The following PHEX variants were observed in gnomAD, a reference collection of about 807,000 sequenced individuals.
The protein encoded by PHEX is phosphate regulating endopeptidase X-linked, also known as phosphate-regulating neutral endopeptidase PHEX.
In PHEX, 16 loss-of-function variants were observed where a neutral mutation model predicts 68.0. The observed-to-expected ratio is 0.24, with a 90% CI of 0.16 to 0.36. The LOEUF is 0.36. PHEX is among the 10% of genes least tolerant of loss of function. The pLI is 1.00. For synonymous variants in PHEX, 208 were observed against 205.1 expected (o/e 1.01, Z -0.12); for missense variants, 480 against 575.5 (o/e 0.83, Z 1.70).
chrX:22,113,832 G>A (rs4824177), intron 10 of PHEX, among the ~76,000 whole-genome samples: 5 of 110,373 alleles, frequency 4.5e-5, no homozygotes, highest in Non-Finnish European at 9.4e-5. Context: ...TGTCCCTGCT[G>A]ACTGCAGAAA....
At chrX:22,039,939 AAAAAC>A (rs199654565) in intron 2 of PHEX, among the ~76,000 whole-genome samples, 1,432 of 111,720 alleles carry the variant, frequency 0.013, 68 homozygotes, top group Admixed American at 0.11. Context: ...CTGTCTCAAA[AAAAAC>A]AAAACAAAAC....
chrX:22,228,435 C>T (rs1048945014), intron 20 of PHEX, among the ~76,000 whole-genome samples: 2 of 111,779 alleles, frequency 1.8e-5, no homozygotes, highest in Non-Finnish European at 3.8e-5. Flanking sequence ...CATTCTCACA[C>T]GAGTCTTCTA....
intron 11 of PHEX, among the ~76,000 whole-genome samples, chrX:22,125,976 T>G (rs1931701361): frequency 1.8e-5 from 2 of 111,895 alleles, no homozygotes; most frequent in African/African-American, 6.5e-5. Flanking sequence ...GATATTTGAT[T>G]CAATTTCAAC....
intron 11 of PHEX, among the ~76,000 whole-genome samples, chrX:22,129,421 T>C (rs1233262517): frequency 8.9e-6 from 1 of 111,911 alleles, no homozygotes; most frequent in Non-Finnish European, 1.9e-5. Flanking sequence ...CACATAGCCA[T>C]GTGCGAAGAA....
At chrX:22,144,573 C>G (rs1308607066) in intron 12 of PHEX, among the ~76,000 whole-genome samples, 1 of 110,652 alleles carries the variant, frequency 9.0e-6, no homozygotes, top group Non-Finnish European at 1.9e-5. Context: ...GATTCCATCT[C>G]TGACACCATT....
chrX:22,182,937 G>C (rs1933923865), intron 14 of PHEX, among the ~76,000 whole-genome samples: 1 of 111,765 alleles, frequency 8.9e-6, no homozygotes. Flanking sequence ...TTAATTTATT[G>C]CTCCCCCTTG....
At chrX:22,109,005 CTAGTT>C (rs1930834324) in intron 9 of PHEX, among the ~76,000 whole-genome samples, 1 of 109,522 alleles carries the variant, frequency 9.1e-6, no homozygotes, top group African/African-American at 3.3e-5. Flanking sequence ...ATTTTATTAT[CTAGTT>C]TATCTAGTTT....
chrX:22,152,688 A>C (rs1326648333), intron 12 of PHEX, among the ~76,000 whole-genome samples: 1 of 112,119 alleles, frequency 8.9e-6, no homozygotes, highest in East Asian at 2.8e-4. Flanking sequence ...AAAGTAATTT[A>C]TGGAGACAGA....
chrX:22,212,537 G>A (rs1934962854), intron 15 of PHEX, among the ~76,000 whole-genome samples: 2 of 111,849 alleles, frequency 1.8e-5, no homozygotes, highest in South Asian at 7.6e-4. Flanking sequence ...CCTTCTCTCT[G>A]TGGGGCCTGT....
intron 12 of PHEX, among the ~76,000 whole-genome samples, chrX:22,138,997 G>A (rs1156998452): frequency 8.9e-6 from 1 of 111,809 alleles, no homozygotes; most frequent in Non-Finnish European, 1.9e-5. Context: ...GGCCTCAACA[G>A]GAAGTATGGT....
chrX:22,133,841 AC>A (rs1414426038), intron 12 of PHEX, among the ~76,000 whole-genome samples: 1 of 112,111 alleles, frequency 8.9e-6, no homozygotes, highest in Non-Finnish European at 1.9e-5. Context: ...ATTTTCAAAT[AC>A]CTTGTAATTC....
intron 2 of PHEX, among the ~76,000 whole-genome samples, chrX:22,040,159 A>G (rs1927209108): frequency 8.9e-6 from 1 of 111,855 alleles, no homozygotes; most frequent in African/African-American, 3.3e-5. Flanking sequence ...GGGCAGGGAC[A>G]CTTTTTTCCT....
At chrX:22,208,838 G>A (rs753976894) in intron 15 of PHEX, among the ~76,000 whole-genome samples, 1 of 112,183 alleles carries the variant, frequency 8.9e-6, no homozygotes, top group Non-Finnish European at 1.9e-5. Flanking sequence ...ACTGTGCTAT[G>A]CAAAAGTATG....
intron 15 of PHEX, among the ~76,000 whole-genome samples, chrX:22,197,418 T>G (rs188755759): frequency 1.8e-5 from 2 of 111,327 alleles, no homozygotes; most frequent in African/African-American, 6.5e-5. Context: ...TGGCTTTTGT[T>G]TTTTGGATAA....
intron 3 of PHEX, among the ~76,000 whole-genome samples, chrX:22,057,300 C>T (rs886069798): frequency 3.6e-5 from 4 of 111,935 alleles, no homozygotes; most frequent in African/African-American, 1.3e-4. Flanking sequence ...TCAGAGAACA[C>T]CTTTATTTAA....
intron 15 of PHEX, among the ~76,000 whole-genome samples, chrX:22,205,652 A>T (rs1011026967): frequency 9.5e-5 from 10 of 104,993 alleles, no homozygotes; most frequent in African/African-American, 3.5e-4. Flanking sequence ...TTAATATTAA[A>T]TTATTAATTT....
chrX:22,047,873 T>G (rs1168027369), intron 3 of PHEX, among the ~76,000 whole-genome samples: 3 of 111,836 alleles, frequency 2.7e-5, no homozygotes, highest in Non-Finnish European at 5.6e-5. Context: ...GCTAAGCTAT[T>G]GGAGAAGGCC....
chrX:22,083,003 C>T (rs1299982151), intron 5 of PHEX, among the ~76,000 whole-genome samples: 2 of 111,607 alleles, frequency 1.8e-5, no homozygotes, highest in Non-Finnish European at 3.8e-5. Context: ...GGTACAACTA[C>T]GGATACATAG....
intron 3 of PHEX, among the ~76,000 whole-genome samples, chrX:22,058,319 A>G (rs762494018): frequency 1.8e-5 from 2 of 112,649 alleles, no homozygotes; most frequent in Admixed American, 1.9e-4. Flanking sequence ...AGTCTTCTAC[A>G]CATGGTTCAA....
Sources: gnomAD v4.1 joint callset for allele counts (sites outside exome capture counted in the v4.1 genomes callset) on GRCh38, gnomAD v4.1.1 for gene constraint, MANE v1.5 for transcripts, NCBI Gene and HGNC (gene_info 2026-07-23, HGNC 2026-07-21) for gene names.